Variants in GABPB1 observed in about 807,000 individuals in gnomAD.
GABPB1 encodes the protein GA-binding protein subunit beta-1.
Under a neutral mutation model 45.9 loss-of-function variants are expected in GABPB1, and 15 were observed. The observed-to-expected ratio is 0.33, with a 90% CI of 0.22 to 0.50. The LOEUF (loss-of-function observed/expected upper bound fraction) is 0.50, where lower values mean the gene tolerates loss of function less well. Among genes scored for constraint, GABPB1 ranks in the 20% least tolerant of loss-of-function variants. The probability of loss-of-function intolerance (pLI) is 0.98; values close to 1 mark genes in which losing one functional copy is unlikely to be tolerated. For missense variants in GABPB1, 252 were observed against 457.5 expected (o/e 0.55, Z 4.10); for synonymous variants, 143 against 154.4 (o/e 0.93, Z 0.55).
At chr15:50,300,380 T>C (rs2046684152) in intron 6 of GABPB1, among the ~76,000 whole-genome samples, 1 of 151,506 alleles carries the variant, frequency 6.6e-6, no homozygotes. Context: ...CTGCCCACTT[T>C]AGCCTTTTAT....
At chr15:50,353,331 C>T (rs2048927839) in intron 1 of GABPB1, 1 of 151,844 alleles carries the variant, frequency 6.6e-6, no homozygotes, top group Admixed American at 6.6e-5. Flanking sequence ...TCTTGCATAA[C>T]AGCTTGATTT....
At chr15:50,292,023 A>T (rs972912041) in intron 6 of GABPB1, among the ~76,000 whole-genome samples, 1 of 152,080 alleles carries the variant, frequency 6.6e-6, no homozygotes, top group Non-Finnish European at 1.5e-5. Context: ...GTTAACATTT[A>T]AAAAATGACA....
rs2046723272 is a variant in GABPB1 at position 50,301,017 on chromosome 15, T to C, written c.584-115A>G. ...ACAAAGCTTGGATAGCATTAGCTTTTGAAAGGTAATACTGCAGTAAATTTT... is the reference window on the plus strand; with the variant it reads ...ACAAAGCTTGGATAGCATTAGCTTTCGAAAGGTAATACTGCAGTAAATTTT... On this transcript the variant is annotated intron_variant, in intron 5 of 8. Coordinates refer to ENST00000380877, the MANE Select transcript of GABPB1 (RefSeq NM_016654.5). 9.9e-6 allele frequency: 8 copies of C among 807,524 alleles called. No homozygotes were observed. In the South Asian group the frequency reaches 1.4e-4, roughly 14 times the overall value. The allele number at this position is 807,524 out of a possible 1,614,324, so 50.0% of individuals were successfully genotyped here.
At chr15:50,323,085 A>C (rs150031166) in intron 1 of GABPB1, among the ~76,000 whole-genome samples, 1 of 152,154 alleles carries the variant, frequency 6.6e-6, no homozygotes, top group East Asian at 1.9e-4. Flanking sequence ...ACGAAAATTA[A>C]TTTTGCTGGG....
chr15:50,332,916 C>T (rs1173360909), intron 1 of GABPB1, among the ~76,000 whole-genome samples: 3 of 151,946 alleles, frequency 2.0e-5, no homozygotes, highest in Non-Finnish European at 2.9e-5. Flanking sequence ...TTTTCTTTAC[C>T]TTTAATTTAC....
chr15:50,329,617 T>G (rs2047883408), intron 1 of GABPB1, among the ~76,000 whole-genome samples: 1 of 152,194 alleles, frequency 6.6e-6, no homozygotes, highest in Admixed American at 6.5e-5. Context: ...AAATAACTAT[T>G]TTGATATAAA....
At chr15:50,314,227 A>G (rs1364609561) in intron 1 of GABPB1, among the ~76,000 whole-genome samples, 1 of 150,884 alleles carries the variant, frequency 6.6e-6, no homozygotes, top group Admixed American at 6.7e-5. Flanking sequence ...TCTGTTGCCC[A>G]GGCTGGAGTG....
intron 1 of GABPB1, among the ~76,000 whole-genome samples, chr15:50,338,036 G>C (rs187735941): frequency 6.6e-6 from 1 of 152,076 alleles, no homozygotes; most frequent in East Asian, 1.9e-4. Flanking sequence ...CAAAAGCTTA[G>C]TTTTTTTGGT....
At chr15:50,295,636 T>G (rs1045489193) in intron 6 of GABPB1, among the ~76,000 whole-genome samples, 4 of 151,850 alleles carry the variant, frequency 2.6e-5, no homozygotes, top group Non-Finnish European at 5.9e-5. Context: ...AAAAAAAGCT[T>G]TCACTTTTTT....
At chr15:50,340,286 AT>A in intron 1 of GABPB1, among the ~76,000 whole-genome samples, 1 of 152,192 alleles carries the variant, frequency 6.6e-6, no homozygotes, top group Non-Finnish European at 1.5e-5. Flanking sequence ...TCACTAGTTT[AT>A]ATTTTGTTAT....
chr15:50,324,872 G>A lies in GABPB1; in HGVS notation c.1-15074C>T, dbSNP rs115041473. ...TCTGTAGTTCTTTCTATGGGCACAA[G>A]TTAAGGTTATAGTACTTGCTGTTAA... On this transcript the variant is annotated intron_variant, in intron 1 of 8. Transcript: ENST00000380877. Among the ~76,000 whole-genome samples the A allele has an allele frequency of 5.4e-3, 829 of 152,118 alleles. 8 individuals carry two copies. Among genetic ancestry groups the A allele is most frequent in the African/African-American group, 0.019 (786 of 41,498 alleles).
At chr15:50,320,695 T>C (rs1352143102) in intron 1 of GABPB1, among the ~76,000 whole-genome samples, 1 of 152,166 alleles carries the variant, frequency 6.6e-6, no homozygotes, top group Non-Finnish European at 1.5e-5. Flanking sequence ...TATCCAAGTA[T>C]GATGTAATCA....
At chr15:50,339,526 C>A (rs560314099) in intron 1 of GABPB1, among the ~76,000 whole-genome samples, 1 of 151,476 alleles carries the variant, frequency 6.6e-6, no homozygotes, top group African/African-American at 2.4e-5. Flanking sequence ...CTTCTTGAAA[C>A]CATGTTAATA....
At position 50,276,206 on chromosome 15, in the gene GABPB1, T is replaced by C. The variant is rs2045836983; in HGVS notation, c.*2426A>G. The C allele has an allele frequency of 6.6e-6, 1 of 152,254 alleles. No homozygotes were observed. The highest frequency in any genetic ancestry group is 6.5e-5 in the Admixed American group (1 of 15,282). The allele number at this position is 152,254 out of a possible 1,614,324, so 9.4% of individuals were successfully genotyped here. On this transcript the variant is annotated 3_prime_UTR_variant, in exon 9 of 9. Coordinates refer to ENST00000380877, the MANE Select transcript of GABPB1 (RefSeq NM_016654.5). ...TATGTAGTGGAAACAATTATGTGGATTTCTGAAAACTTTTATTTCATATAC... is the reference window on the plus strand; with the variant it reads ...TATGTAGTGGAAACAATTATGTGGACTTCTGAAAACTTTTATTTCATATAC...
At chr15:50,332,077 G>A (rs2047967778) in intron 1 of GABPB1, among the ~76,000 whole-genome samples, 1 of 151,922 alleles carries the variant, frequency 6.6e-6, no homozygotes, top group Non-Finnish European at 1.5e-5. Context: ...GTTTCACCAT[G>A]TTGATCATGC....
At chr15:50,329,197 A>T (rs1040468041) in intron 1 of GABPB1, among the ~76,000 whole-genome samples, 2 of 152,160 alleles carry the variant, frequency 1.3e-5, no homozygotes, top group Non-Finnish European at 2.9e-5. Flanking sequence ...TTAAAGACCA[A>T]AATTAGGGTT....
chr15:50,350,935 C>T (rs80248403), intron 1 of GABPB1: 1 of 152,210 alleles, frequency 6.6e-6, no homozygotes, highest in Admixed American at 6.5e-5. Flanking sequence ...AGCTCCTCTT[C>T]TTTAGGTCAA....
At chr15:50,312,498 T>C (rs932772455) in intron 1 of GABPB1, among the ~76,000 whole-genome samples, 1 of 152,174 alleles carries the variant, frequency 6.6e-6, no homozygotes, top group African/African-American at 2.4e-5. Flanking sequence ...TCCTAGATAA[T>C]ATGTAACTGC....
chr15:50,317,651 T>G (rs1595792811), intron 1 of GABPB1, among the ~76,000 whole-genome samples: 1 of 152,292 alleles, frequency 6.6e-6, no homozygotes, highest in South Asian at 2.1e-4. Context: ...GGCTCACGCC[T>G]GTAATCCCAG....
Sources: gnomAD v4.1 joint callset for allele counts (sites outside exome capture counted in the v4.1 genomes callset) on GRCh38, gnomAD v4.1.1 for gene constraint, MANE v1.5 for transcripts, NCBI Gene and HGNC (gene_info 2026-07-23, HGNC 2026-07-21) for gene names.